RCC1: variants seen among roughly 807,000 people sequenced by gnomAD.
RCC1 encodes regulator of chromosome condensation.
RCC1 carries 11 observed loss-of-function variants against 44.4 expected under a neutral mutation model. The ratio of observed to expected loss-of-function variants is 0.25; its 90% CI spans 0.16 to 0.41. RCC1 has a LOEUF of 0.41. RCC1 is among the 10% of genes least tolerant of loss of function. The pLI is 1.00. For synonymous variants in RCC1, 213 were observed against 216.5 expected (o/e 0.98, Z 0.14); for missense variants, 386 against 547.1 (o/e 0.71, Z 2.94).
In RCC1 at chr1:28,531,293, A is replaced by G. The variant is rs191141751; in HGVS notation, c.74-510A>G. Among the ~76,000 whole-genome samples the G allele has an allele frequency of 3.7e-5, 5 of 135,020 alleles. No homozygotes were observed. The East Asian group carries it at 8.3e-4, about 22-fold the overall frequency. The allele number at this position is 135,020 out of a possible 152,430, so 88.6% of individuals were successfully genotyped here. On this transcript the variant is annotated intron_variant, in intron 5 of 12. Coordinates refer to ENST00000683442, the MANE Select transcript of RCC1 (RefSeq NM_001381865.2). ...TTTTTTTTTTTTTTTGAGATCAAGTATCACTCTGTCGCCCAGACTGGAGGC... is the reference window on the plus strand; with the variant it reads ...TTTTTTTTTTTTTTTGAGATCAAGTGTCACTCTGTCGCCCAGACTGGAGGC...
intron 4 of RCC1, among the ~76,000 whole-genome samples, chr1:28,523,012 A>G (rs1663385710): frequency 7.1e-6 from 1 of 139,970 alleles, no homozygotes; most frequent in Non-Finnish European, 1.5e-5. Context: ...GGGAGGAAGG[A>G]GGCAGAAGAA....
At chr1:28,531,292 T>TATCA (rs1213346248) in intron 5 of RCC1, among the ~76,000 whole-genome samples, 6 of 135,706 alleles carry the variant, frequency 4.4e-5, no homozygotes. Flanking sequence ...TGAGATCAAG[T>TATCA]ATCACTCTGT....
At position 28,525,395 on chromosome 1, in the gene RCC1, A is replaced by G. The variant is rs191971580; in HGVS notation, c.-9-4463A>G. 1.1e-3 allele frequency among the ~76,000 whole-genome samples: 161 copies of G among 152,294 alleles called. 1 individual carries two copies. Among genetic ancestry groups the G allele is most frequent in the African/African-American group, 3.5e-3 (144 of 41,572 alleles). ...TCTCCTCCCTTAGTAGTAAAGCACT[A>G]TAAATATTTGTGGATTTACAACCAT... On this transcript the variant is annotated intron_variant, in intron 4 of 12. Transcript: ENST00000683442.
At position 28,516,714 on chromosome 1, in the gene RCC1, A is replaced by G; in HGVS notation, c.-152-11A>G. On this transcript the variant is annotated splice_polypyrimidine_tract_variant and intron_variant, in intron 3 of 12. Transcript: ENST00000683442. ...ATAATAATAATAATCACTTATTATT[A>G]TTACATGAAGCTACATGAATGTGTA... 1 of 376,710 alleles carries G rather than the reference A, an allele frequency of 2.7e-6. No individual in the cohort carries two copies. Among genetic ancestry groups the G allele is most frequent in the South Asian group, 2.0e-5 (1 of 51,010 alleles). 23.3% of individuals were successfully genotyped at this position (376,710 alleles called of 1,614,324 possible).
chr1:28,520,183 A>T (rs1663181711), intron 4 of RCC1, among the ~76,000 whole-genome samples: 1 of 152,196 alleles, frequency 6.6e-6, no homozygotes, highest in Non-Finnish European at 1.5e-5. Context: ...TATTGTTGAC[A>T]CATGAGCCCT....
At chr1:28,515,140 A>G (rs528173205) in intron 3 of RCC1, among the ~76,000 whole-genome samples, 1 of 151,778 alleles carries the variant, frequency 6.6e-6, no homozygotes, top group South Asian at 2.1e-4. Flanking sequence ...TAGATGGGCA[A>G]TTAGCTGGAC....
chr1:28,536,710 C>A lies in RCC1; in HGVS notation c.938-37C>A. ...GCCACCCATTTTGCCTGTAGCACGC[C>A]CTCTGCTATTGCTCATCTCTCTCCC... On this transcript the variant is annotated intron_variant, in intron 11 of 12. Transcript: ENST00000683442. The surrounding 1 kb of genome is among the most constrained non-coding windows in gnomAD (Gnocchi z 4.9). 6.2e-7 allele frequency: 1 copy of A among 1,607,998 alleles called. No homozygotes were observed. Among genetic ancestry groups the A allele is most frequent in the South Asian group, 1.1e-5 (1 of 90,506 alleles).
chr1:28,526,912 AAG>A, intron 4 of RCC1: 4 of 784,998 alleles, frequency 5.1e-6, no homozygotes, highest in South Asian at 1.5e-5. Flanking sequence ...AAAAAAAAAA[AAG>A]AAAGAAATCC....
intron 5 of RCC1, chr1:28,530,720 G>A (rs1000635354): frequency 1.0e-5 from 9 of 901,822 alleles, no homozygotes; most frequent in African/African-American, 3.5e-5. Flanking sequence ...CCGGGGCTGC[G>A]GGTTGGGGGG....
intron 3 of RCC1, among the ~76,000 whole-genome samples, chr1:28,511,403 G>C (rs865999386): frequency 1.4e-5 from 2 of 141,434 alleles, no homozygotes; most frequent in East Asian, 4.1e-4. Flanking sequence ...TTTGTTTTTT[G>C]TTTTTTTTTT....
At chr1:28,523,963 G>A (rs1387333357) in intron 4 of RCC1, among the ~76,000 whole-genome samples, 4 of 152,152 alleles carry the variant, frequency 2.6e-5, no homozygotes, top group East Asian at 1.9e-4. Flanking sequence ...ATTACAGCAC[G>A]CGTCACCACG....
In RCC1 at chr1:28,531,259, C is replaced by CTTTTTTTTTTTTTTTTTTTTTTTTT. The variant is rs769808394; in HGVS notation, c.74-539_74-538insTTTTTTTTTTTTTTTTTTTTTTTTT. 4.5e-5 allele frequency among the ~76,000 whole-genome samples: 6 copies of CTTTTTTTTTTTTTTTTTTTTTTTTT among 132,452 alleles called. 1 individual carries two copies. The highest frequency in any genetic ancestry group is 7.5e-5 in the Admixed American group (1 of 13,316). The allele number at this position is 132,452 out of a possible 152,430, so 86.9% of individuals were successfully genotyped here. A position where few individuals can be genotyped will look rare whatever the true frequency, so the allele number is the denominator to read the frequency against. On this transcript the variant is annotated intron_variant, in intron 5 of 12. Transcript: ENST00000683442. Reference sequence around the variant, plus strand: ...CAATAACAATAATTAGCTTTCTTTTCTTTTTCTTTTTTTTTTTTTTTTTGA... The same window carrying CTTTTTTTTTTTTTTTTTTTTTTTTT: ...CAATAACAATAATTAGCTTTCTTTTCTTTTTTTTTTTTTTTTTTTTTTTTTTTTTTCTTTTTTTTTTTTTTTTTGA...
chr1:28,514,174 G>A (rs1289767589), intron 3 of RCC1, among the ~76,000 whole-genome samples: 2 of 151,218 alleles, frequency 1.3e-5, no homozygotes, highest in African/African-American at 2.4e-5. Context: ...AAAAAGGCGG[G>A]GCCCGGTGGC....
chr1:28,516,239 C>T lies in RCC1; in HGVS notation c.-152-486C>T, dbSNP rs144034126. ...TAAAAGTACAAAAATTAAGGCTGGG[C>T]GCGGAGGCTCACGCCTGTAAGCCCA... is the stretch of plus-strand genomic sequence containing the variant. On this transcript the variant is annotated intron_variant, in intron 3 of 12. Transcript: ENST00000683442. 4.5e-3 allele frequency among the ~76,000 whole-genome samples: 682 copies of T among 151,746 alleles called. 8 individuals are homozygous for T. Among genetic ancestry groups the T allele is most frequent in the African/African-American group, 0.015 (627 of 41,350 alleles).
intron 5 of RCC1, chr1:28,530,572 A>G (rs748526902): frequency 1.9e-6 from 3 of 1,606,468 alleles, no homozygotes; most frequent in South Asian, 2.2e-5. Flanking sequence ...GCTCCTGCCA[A>G]GGTGCCTGCG....
At chr1:28,525,831 T>C (rs1402154106) in intron 4 of RCC1, among the ~76,000 whole-genome samples, 1 of 151,962 alleles carries the variant, frequency 6.6e-6, no homozygotes, top group Non-Finnish European at 1.5e-5. Flanking sequence ...AGGGGAGAGC[T>C]AGAGAGGCGA....
At chr1:28,507,478 A>G (rs776941967) in intron 1 of RCC1, 6 of 519,046 alleles carry the variant, frequency 1.2e-5, no homozygotes, top group South Asian at 4.2e-5. Flanking sequence ...CGTTGGAAAT[A>G]AAGCTGGGCC....
intron 3 of RCC1, among the ~76,000 whole-genome samples, chr1:28,513,834 C>T (rs892685089): frequency 1.3e-5 from 2 of 152,122 alleles, no homozygotes; most frequent in African/African-American, 4.8e-5. Flanking sequence ...ATCCTCCCAC[C>T]TTGGCCTCCC....
chr1:28,517,943 G>A (rs1390648474), intron 4 of RCC1, among the ~76,000 whole-genome samples: 1 of 152,168 alleles, frequency 6.6e-6, no homozygotes, highest in African/African-American at 2.4e-5. Context: ...CTTGAGGGTA[G>A]GGAAGATGAG....
Sources: gnomAD v4.1 joint callset for allele counts (sites outside exome capture counted in the v4.1 genomes callset) on GRCh38, gnomAD v4.1.1 for gene constraint, Gnocchi (gnomAD v3.1) non-coding constraint, MANE v1.5 for transcripts, NCBI Gene and HGNC (gene_info 2026-07-23, HGNC 2026-07-21) for gene names.